The following VKORC1L1 variants were observed in gnomAD, a reference collection of about 807,000 sequenced individuals.
VKORC1L1 encodes vitamin K epoxide reductase complex subunit 1-like protein 1.
A neutral mutation model predicts 18.9 loss-of-function variants in VKORC1L1; 2 were observed. The ratio of observed to expected loss-of-function variants is 0.11; its 90% CI spans 0.04 to 0.33. The LOEUF (loss-of-function observed/expected upper bound fraction) is 0.33. VKORC1L1 is among the 10% of genes least tolerant of loss of function. VKORC1L1 has a pLI of 1.00. For missense variants in VKORC1L1, 123 were observed against 224.1 expected (o/e 0.55, Z 2.88); for synonymous variants, 96 against 100.0 (o/e 0.96, Z 0.24).
chr7:65,939,874 C>T (rs1323836816), intron 1 of VKORC1L1, among the ~76,000 whole-genome samples: 1 of 152,152 alleles, frequency 6.6e-6, no homozygotes, highest in African/African-American at 2.4e-5. Flanking sequence ...ATTTTAGTTT[C>T]TGTTCTCTGG....
intron 1 of VKORC1L1, among the ~76,000 whole-genome samples, chr7:65,924,580 A>T (rs1363235676): frequency 6.6e-6 from 1 of 152,224 alleles, no homozygotes; most frequent in Admixed American, 6.5e-5. Context: ...TTTATTTACA[A>T]AAACAAGCAG....
At chr7:65,915,102 T>C (rs981837287) in intron 1 of VKORC1L1, among the ~76,000 whole-genome samples, 1 of 150,254 alleles carries the variant, frequency 6.7e-6, no homozygotes, top group African/African-American at 2.4e-5. Context: ...TCTTTTTTTT[T>C]TTTTTTGAGA....
At chr7:65,906,548 T>C (rs1789409894) in intron 1 of VKORC1L1, among the ~76,000 whole-genome samples, 1 of 152,198 alleles carries the variant, frequency 6.6e-6, no homozygotes, top group South Asian at 2.1e-4. Flanking sequence ...AGATCTTGAA[T>C]ACACACTGCC....
intron 1 of VKORC1L1, among the ~76,000 whole-genome samples, chr7:65,906,386 A>G (rs1789407190): frequency 6.6e-6 from 1 of 151,998 alleles, no homozygotes; most frequent in African/African-American, 2.4e-5. Context: ...GAAAAAAAAA[A>G]GGAGTATGGT....
chr7:65,915,708 G>A (rs1789577997), intron 1 of VKORC1L1, among the ~76,000 whole-genome samples: 1 of 151,574 alleles, frequency 6.6e-6, no homozygotes, highest in African/African-American at 2.4e-5. Context: ...AGGCATGATT[G>A]GGGGTGAGGC....
chr7:65,877,983 A>C (rs929323959), intron 1 of VKORC1L1, among the ~76,000 whole-genome samples: 3 of 152,152 alleles, frequency 2.0e-5, no homozygotes, highest in Non-Finnish European at 4.4e-5. Flanking sequence ...ATAAGTGAGC[A>C]CACACAGCTT....
intron 1 of VKORC1L1, among the ~76,000 whole-genome samples, chr7:65,919,080 C>G (rs966957954): frequency 9.9e-5 from 15 of 152,040 alleles, no homozygotes; most frequent in Non-Finnish European, 1.8e-4. Flanking sequence ...AGAGCGAGAC[C>G]CTTTCTCAAA....
rs56234924 is a variant in VKORC1L1 at position 65,886,839 on chromosome 7, G to GTT, written c.194+13299_194+13300dup. Among the ~76,000 whole-genome samples the GTT allele has an allele frequency of 4.3e-3, 255 of 58,628 alleles. 34 individuals are homozygous for GTT. Among genetic ancestry groups the GTT allele is most frequent in the African/African-American group, 0.012 (200 of 17,222 alleles). The allele number at this position is 58,628 out of a possible 152,430, so 38.5% of individuals were successfully genotyped here. On this transcript the variant is annotated intron_variant, in intron 1 of 2. Coordinates refer to ENST00000360768, the MANE Select transcript of VKORC1L1 (RefSeq NM_173517.6). ...GGCGTGAGCCACTGCGCCTGTCCGA[G>GTT]TTTTTTTTTTTTTTTTTTTTTTTTT...
intron 1 of VKORC1L1, among the ~76,000 whole-genome samples, chr7:65,934,770 C>G (rs1789913588): frequency 6.6e-6 from 1 of 151,982 alleles, no homozygotes; most frequent in Admixed American, 6.6e-5. Flanking sequence ...AAAAAAAAGT[C>G]TAGGCTGGGC....
intron 1 of VKORC1L1, among the ~76,000 whole-genome samples, chr7:65,895,510 TATATATAC>T (rs1345288919): frequency 2.5e-4 from 22 of 88,404 alleles, no homozygotes; most frequent in African/African-American, 3.7e-4. Flanking sequence ...TATATATATA[TATATATAC>T]ACACACACAC....
chr7:65,926,422 G>A (rs1182763305), intron 1 of VKORC1L1, among the ~76,000 whole-genome samples: 2 of 152,082 alleles, frequency 1.3e-5, no homozygotes, highest in Admixed American at 1.3e-4. Flanking sequence ...CCAAAGTGCT[G>A]GGATTATATG....
At chr7:65,900,640 T>TA (rs1372208863) in intron 1 of VKORC1L1, among the ~76,000 whole-genome samples, 19 of 151,922 alleles carry the variant, frequency 1.3e-4, no homozygotes, top group Non-Finnish European at 4.4e-5. Flanking sequence ...CCATCTCTAC[T>TA]AAAAATACAA....
upstream of VKORC1L1, among the ~76,000 whole-genome samples, chr7:65,868,345 G>C (rs1788687426): frequency 6.6e-6 from 1 of 152,102 alleles, no homozygotes. Flanking sequence ...AGGATTCAGA[G>C]AAAAAAGGAA....
At chr7:65,892,329 G>T (rs1789122427) in intron 1 of VKORC1L1, among the ~76,000 whole-genome samples, 1 of 152,196 alleles carries the variant, frequency 6.6e-6, no homozygotes, top group Non-Finnish European at 1.5e-5. Context: ...GGATCACACG[G>T]TAGTTCTATT....
chr7:65,888,288 G>A (rs1350938781), intron 1 of VKORC1L1, among the ~76,000 whole-genome samples: 1 of 152,142 alleles, frequency 6.6e-6, no homozygotes, highest in Non-Finnish European at 1.5e-5. Flanking sequence ...ACAACAAAAG[G>A]ACTCTACGTT....
chr7:65,890,743 T>G (rs930604343), intron 1 of VKORC1L1, among the ~76,000 whole-genome samples: 1 of 152,238 alleles, frequency 6.6e-6, no homozygotes, highest in African/African-American at 2.4e-5. Context: ...TTTATCCACC[T>G]CTTTGCCAAG....
chr7:65,948,008 C>G (rs1790151103), intron 1 of VKORC1L1, among the ~76,000 whole-genome samples: 3 of 152,104 alleles, frequency 2.0e-5, no homozygotes, highest in Admixed American at 6.6e-5. Flanking sequence ...AAAATACATT[C>G]CCAGTATATT....
intron 1 of VKORC1L1, among the ~76,000 whole-genome samples, chr7:65,889,727 T>A (rs1465008020): frequency 6.6e-6 from 1 of 152,204 alleles, no homozygotes; most frequent in Non-Finnish European, 1.5e-5. Flanking sequence ...TTTATGAGAA[T>A]CATTTTCTTA....
chr7:65,933,373 A>G (rs1384972961), intron 1 of VKORC1L1, among the ~76,000 whole-genome samples: 1 of 152,094 alleles, frequency 6.6e-6, no homozygotes, highest in African/African-American at 2.4e-5. Flanking sequence ...TTTTACCGTT[A>G]TATGTCTCTT....
Sources: gnomAD v4.1 joint callset for allele counts (sites outside exome capture counted in the v4.1 genomes callset) on GRCh38, gnomAD v4.1.1 for gene constraint, MANE v1.5 for transcripts, NCBI Gene and HGNC (gene_info 2026-07-23, HGNC 2026-07-21) for gene names.